The following NFYA variants were observed in gnomAD, a reference collection of about 807,000 sequenced individuals.
NFYA encodes CAAT-box DNA binding protein subunit A.
NFYA carries 28 observed loss-of-function variants against 52.8 expected under a neutral mutation model. The ratio of observed to expected loss-of-function variants is 0.53; its 90% confidence interval spans 0.39 to 0.73. NFYA has a LOEUF of 0.73. Ranked by LOEUF, NFYA falls within the 30% of genes least tolerant of loss-of-function variation. NFYA has a pLI of 0.00. For missense variants in NFYA, 234 were observed against 427.0 expected, an observed-to-expected ratio of 0.55 and a Z score of 3.98; for synonymous variants, 150 against 150.7, an observed-to-expected ratio of 1.00 and a Z score of 0.03.
intron 4 of NFYA, among the ~76,000 whole-genome samples, chr6:41,086,857 ATATTTGC>A (rs1409340461): frequency 3.9e-5 from 6 of 152,220 alleles, no homozygotes; most frequent in Non-Finnish European, 2.9e-5. Flanking sequence ...ATTTTAAAAA[ATATTTGC>A]TAGGTGGATT....
At position 41,101,638 on chromosome 6, in the gene NFYA, A is replaced by C. The variant is rs1222489787; in HGVS notation, c.*4228A>C. Among the ~76,000 whole-genome samples, 1 of 152,198 alleles carries C rather than the reference A, an allele frequency of 6.6e-6. No homozygotes were observed. Among genetic ancestry groups the C allele is most frequent in the Admixed American group, 6.5e-5 (1 of 15,282 alleles). ...ATTTAACAAATACTTACTCTGTGTC[A>C]GGGATATGAAGATGGGTAATACCAG... On this transcript the variant is annotated 3_prime_UTR_variant, in exon 10 of 10. Transcript: ENST00000341376.
At chr6:41,093,232 G>T (rs1407511186) in intron 8 of NFYA, 147 bp downstream of exon 8, 3 of 682,942 alleles carry the variant, frequency 4.4e-6, no homozygotes, top group South Asian at 4.9e-5. Context: ...GTTAGCATTT[G>T]TTATTACTAA....
chr6:41,094,619 A>T (rs1764297376), intron 9 of NFYA, 122 bp downstream of exon 9: 1 of 656,456 alleles, frequency 1.5e-6, no homozygotes. Flanking sequence ...TCTAAACTGG[A>T]TGCAATCTTA....
intron 7 of NFYA, among the ~76,000 whole-genome samples, 199 bp from the exon 8 acceptor site, chr6:41,092,713 A>G (rs1477420852): frequency 6.6e-6 from 1 of 152,156 alleles, no homozygotes; most frequent in Non-Finnish European, 1.5e-5. Flanking sequence ...TGAATCTCCT[A>G]TGACACAGTC....
intron 1 of NFYA, among the ~76,000 whole-genome samples, chr6:41,074,204 A>G (rs969502742): frequency 7.9e-5 from 12 of 152,228 alleles, no homozygotes; most frequent in African/African-American, 2.9e-4. Flanking sequence ...TTTCTGATAC[A>G]CTTTCAAGTC....
intron 4 of NFYA, among the ~76,000 whole-genome samples, chr6:41,086,262 TTTAA>T (rs1764041261): frequency 6.6e-6 from 1 of 152,182 alleles, no homozygotes; most frequent in Admixed American, 6.5e-5. Context: ...GGCCAAGTTA[TTTAA>T]TTGTCGGTTT....
chr6:41,089,236 G>A (rs1394797841), intron 4 of NFYA, among the ~76,000 whole-genome samples: 2 of 152,110 alleles, frequency 1.3e-5, no homozygotes, highest in African/African-American at 4.8e-5. Context: ...CACCCACCTC[G>A]GCCTTCCAAA....
intron 1 of NFYA, among the ~76,000 whole-genome samples, chr6:41,074,519 G>C (rs78616872): frequency 0.02 from 2,983 of 152,298 alleles, 47 homozygotes; most frequent in Non-Finnish European, 0.032. Context: ...ACTTTTGACT[G>C]GCCTTGAAGA....
intron 3 of NFYA, 52 bp downstream of exon 3, chr6:41,080,949 C>T (rs1763889167): frequency 7.1e-7 from 1 of 1,414,254 alleles, no homozygotes; most frequent in East Asian, 2.3e-5. Context: ...CTCCTCTCCT[C>T]ATGTCTGGTG....
At chr6:41,092,407 A>G (rs1764220674) in intron 7 of NFYA, among the ~76,000 whole-genome samples, 1 of 152,264 alleles carries the variant, frequency 6.6e-6, no homozygotes, top group East Asian at 1.9e-4. Flanking sequence ...GATTCAATAC[A>G]GTTATTCAAA....
In NFYA at chr6:41,094,962, T is replaced by C. The variant is rs568818282; in HGVS notation, c.990+465T>C. On this transcript the variant is annotated intron_variant, in intron 9 of 9. Transcript: ENST00000341376. ...AGGTTTTATTACCCCATCACAAATATAATTTGAATGTTTACTTTTTTCCCT... is the reference window on the plus strand; with the variant it reads ...AGGTTTTATTACCCCATCACAAATACAATTTGAATGTTTACTTTTTTCCCT... 3.9e-5 allele frequency among the ~76,000 whole-genome samples: 6 copies of C among 152,350 alleles called. No individual in the cohort carries two copies. The East Asian group carries it at 1.2e-3, about 29-fold the overall frequency.
chr6:41,076,194 G>A (rs1441729829), intron 1 of NFYA, among the ~76,000 whole-genome samples: 1 of 152,162 alleles, frequency 6.6e-6, no homozygotes, highest in African/African-American at 2.4e-5. Context: ...AATCCTTTGA[G>A]CTCAGGAGTT....
intron 9 of NFYA, among the ~76,000 whole-genome samples, chr6:41,096,299 A>C (rs1764354685): frequency 2.0e-5 from 3 of 152,218 alleles, no homozygotes; most frequent in Admixed American, 2.0e-4. Flanking sequence ...CTGTAGTGTG[A>C]GAGCCCCTCC....
intron 4 of NFYA, among the ~76,000 whole-genome samples, chr6:41,088,900 A>G (rs1431565811): frequency 1.3e-5 from 2 of 152,158 alleles, no homozygotes; most frequent in Non-Finnish European, 2.9e-5. Flanking sequence ...TTTAATATAT[A>G]TAGTATTTCC....
At chr6:41,083,973 C>T in intron 3 of NFYA, 73 bp from the exon 4 acceptor site, 1 of 1,416,180 alleles carries the variant, frequency 7.1e-7, no homozygotes, top group South Asian at 1.5e-5. Flanking sequence ...AGAATAGTTC[C>T]AGTGATTGTC....
chr6:41,086,335 T>C (rs557664340), intron 4 of NFYA, among the ~76,000 whole-genome samples: 1 of 152,332 alleles, frequency 6.6e-6, no homozygotes, highest in Non-Finnish European at 1.5e-5. Flanking sequence ...TAGCTCTAAA[T>C]TCTGTGATTT....
At chr6:41,093,650 T>C (rs1764259832) in intron 8 of NFYA, among the ~76,000 whole-genome samples, 1 of 152,166 alleles carries the variant, frequency 6.6e-6, no homozygotes, top group African/African-American at 2.4e-5. Flanking sequence ...TTTGTGTTTT[T>C]AGTAGAGACG....
intron 7 of NFYA, 127 bp downstream of exon 7, chr6:41,091,821 A>G (rs1764203928): frequency 5.0e-6 from 5 of 1,004,020 alleles, no homozygotes; most frequent in Non-Finnish European, 7.2e-6. Context: ...TCGGTAATCT[A>G]CTTTGACAAT....
At chr6:41,084,024 T>C (rs1468826852) in intron 3 of NFYA, 22 bp from the exon 4 acceptor site, 1 of 1,582,064 alleles carries the variant, frequency 6.3e-7, no homozygotes, top group Admixed American at 1.8e-5. Context: ...TATTTCATTG[T>C]TCTTATTTTA....
Sources: gnomAD v4.1 joint callset for allele counts (sites outside exome capture counted in the v4.1 genomes callset) on GRCh38, gnomAD v4.1.1 for gene constraint, MANE v1.5 for transcripts, NCBI Gene and HGNC (gene_info 2026-07-23, HGNC 2026-07-21) for gene names.